The following PHF24 variants were observed in gnomAD, a reference collection of about 807,000 sequenced individuals.
The protein encoded by PHF24 is PHD finger protein 24.
Under a neutral mutation model 42.6 loss-of-function variants are expected in PHF24, and 25 were observed. That is an observed-to-expected ratio of 0.59 (90% confidence interval 0.43 to 0.82). The LOEUF is 0.82. Among genes scored for constraint, PHF24 ranks in the 40% least tolerant of loss-of-function variants. The pLI, the probability that PHF24 is intolerant of heterozygous loss-of-function variation, is 0.00. For missense variants in PHF24, 470 were observed against 538.1 expected (o/e 0.87, Z 1.25); for synonymous variants, 185 against 204.8 (o/e 0.90, Z 0.83).
the PHF24 span, among the ~76,000 whole-genome samples, chr9:34,950,347 G>A: frequency 1.7e-5 from 2 of 118,358 alleles, no homozygotes; most frequent in African/African-American, 6.3e-5. Context: ...GCGAGACTCT[G>A]TCTCAAAAAA....
At chr9:34,879,329 C>T in the PHF24 span, among the ~76,000 whole-genome samples, 3 of 152,170 alleles carry the variant, frequency 2.0e-5, no homozygotes, top group African/African-American at 7.2e-5. Context: ...CAGCTCCTCA[C>T]CAGCAACAGA....
chr9:34,930,165 C>G, the PHF24 span, among the ~76,000 whole-genome samples: 3 of 152,212 alleles, frequency 2.0e-5, no homozygotes. Flanking sequence ...AGTTTAATTT[C>G]TCAGTGTCTG....
chr9:34,766,838 A>C, the PHF24 span, among the ~76,000 whole-genome samples: 1 of 151,844 alleles, frequency 6.6e-6, no homozygotes, highest in Non-Finnish European at 1.5e-5. Context: ...GGTTTTATCT[A>C]CTTTTGGTCT....
At chr9:34,960,209 A>G (rs1020871415) in intron 1 of PHF24, among the ~76,000 whole-genome samples, 1 of 152,200 alleles carries the variant, frequency 6.6e-6, no homozygotes, top group Non-Finnish European at 1.5e-5. Flanking sequence ...TATTCATTAG[A>G]GCCATTCTGG....
the PHF24 span, among the ~76,000 whole-genome samples, chr9:34,732,718 A>C: frequency 6.6e-6 from 1 of 152,100 alleles, no homozygotes; most frequent in African/African-American, 2.4e-5. Context: ...TTTCCTGGAG[A>C]GTTTCCTCAA....
At chr9:34,715,473 C>T in the PHF24 span, among the ~76,000 whole-genome samples, 2 of 152,184 alleles carry the variant, frequency 1.3e-5, no homozygotes, top group African/African-American at 4.8e-5. Context: ...TCTCAGTCCT[C>T]AGACCAGGCT....
At chr9:34,783,259 C>T in the PHF24 span, among the ~76,000 whole-genome samples, 2 of 152,180 alleles carry the variant, frequency 1.3e-5, no homozygotes, top group African/African-American at 2.4e-5. Flanking sequence ...AGTTACACTG[C>T]GCCATCTTAT....
At chr9:34,739,202 T>A in the PHF24 span, among the ~76,000 whole-genome samples, 12 of 152,210 alleles carry the variant, frequency 7.9e-5, no homozygotes, top group Admixed American at 1.3e-4. Flanking sequence ...AAAGTTCAAG[T>A]TAAAACAAGA....
chr9:34,726,547 T>C, the PHF24 span: 1 of 1,551,910 alleles, frequency 6.4e-7, no homozygotes, highest in Non-Finnish European at 8.7e-7. Flanking sequence ...CCTGGTTCAG[T>C]GGAGCCCTTG....
At chr9:34,848,533 G>C in the PHF24 span, among the ~76,000 whole-genome samples, 1 of 151,864 alleles carries the variant, frequency 6.6e-6, no homozygotes, top group Non-Finnish European at 1.5e-5. Flanking sequence ...CAATTTTGTT[G>C]ATCCGTTCAA....
the PHF24 span, among the ~76,000 whole-genome samples, chr9:34,868,889 C>A: frequency 6.6e-6 from 1 of 152,224 alleles, no homozygotes; most frequent in Non-Finnish European, 1.5e-5. Context: ...ATTAGCTATT[C>A]TTCCTGATGC....
chr9:34,934,442 ATAAAG>A, the PHF24 span, among the ~76,000 whole-genome samples: 1 of 152,158 alleles, frequency 6.6e-6, no homozygotes, highest in Admixed American at 6.5e-5. Context: ...ATCGCAATAA[ATAAAG>A]TAACCTCCCT....
the PHF24 span, among the ~76,000 whole-genome samples, chr9:34,802,003 C>T: frequency 1.3e-5 from 2 of 152,084 alleles, no homozygotes; most frequent in Non-Finnish European, 2.9e-5. Context: ...TGCAGCAAAC[C>T]ATCACGGCAC....
chr9:34,796,358 G>GA, the PHF24 span, among the ~76,000 whole-genome samples: 18 of 148,384 alleles, frequency 1.2e-4, no homozygotes, highest in African/African-American at 3.4e-4. Flanking sequence ...TGGTCCCTAA[G>GA]AAAAAAAAAT....
chr9:34,845,340 G>C, the PHF24 span, among the ~76,000 whole-genome samples: 1 of 152,092 alleles, frequency 6.6e-6, no homozygotes, highest in Non-Finnish European at 1.5e-5. Flanking sequence ...TTATTGATAG[G>C]TAAGGACTTA....
chr9:34,846,371 G>C, the PHF24 span, among the ~76,000 whole-genome samples: 1 of 151,504 alleles, frequency 6.6e-6, no homozygotes, highest in East Asian at 1.9e-4. Context: ...ATTTTTTCAT[G>C]TGTTTTTTGG....
At chr9:34,737,234 T>A in the PHF24 span, among the ~76,000 whole-genome samples, 1 of 152,200 alleles carries the variant, frequency 6.6e-6, no homozygotes, top group African/African-American at 2.4e-5. Context: ...CAACCATGAA[T>A]CTGCTTTCTG....
the PHF24 span, among the ~76,000 whole-genome samples, chr9:34,720,192 C>G: frequency 1.3e-5 from 2 of 152,144 alleles, no homozygotes; most frequent in African/African-American, 4.8e-5. Flanking sequence ...CGCCTGTAAT[C>G]CCAGCGCTTT....
At chr9:34,945,529 G>T in the PHF24 span, among the ~76,000 whole-genome samples, 2 of 152,120 alleles carry the variant, frequency 1.3e-5, no homozygotes, top group African/African-American at 4.8e-5. Context: ...AACCCATGTC[G>T]AATTTAATTG....
Sources: gnomAD v4.1 joint callset for allele counts (sites outside exome capture counted in the v4.1 genomes callset) on GRCh38, gnomAD v4.1.1 for gene constraint, MANE v1.5 for transcripts, NCBI Gene and HGNC (gene_info 2026-07-23, HGNC 2026-07-21) for gene names.